The following NAP1L4 variants were observed in gnomAD, a reference collection of about 807,000 sequenced individuals.
NAP1L4 encodes nucleosome assembly protein 1-like 4.
A neutral mutation model predicts 58.2 loss-of-function variants in NAP1L4; 15 were observed. The observed-to-expected ratio is 0.26, with a 90% CI of 0.17 to 0.40. The LOEUF (loss-of-function observed/expected upper bound fraction) is 0.40. Ranked by LOEUF, NAP1L4 falls within the 10% of genes least tolerant of loss-of-function variation. The probability of loss-of-function intolerance (pLI) is 1.00; values close to 1 mark genes in which losing one functional copy is unlikely to be tolerated. For synonymous variants in NAP1L4, 171 were observed against 155.6 expected, an observed-to-expected ratio of 1.10 and a Z score of -0.74; for missense variants, 384 against 451.1, an observed-to-expected ratio of 0.85 and a Z score of 1.35.
At chr11:2,961,998 G>C (rs1445711130) in intron 8 of NAP1L4, among the ~76,000 whole-genome samples, 1 of 152,112 alleles carries the variant, frequency 6.6e-6, no homozygotes, top group African/African-American at 2.4e-5. Flanking sequence ...ATTCACACAC[G>C]CACTACAGCC....
chr11:2,981,373 G>A (rs116237785), intron 1 of NAP1L4, among the ~76,000 whole-genome samples: 2,204 of 132,542 alleles, frequency 0.017, 65 homozygotes, highest in African/African-American at 0.058. Context: ...ACCTATGACT[G>A]CGCCACTGAA....
At chr11:2,988,141 AG>A (rs1457859139) in intron 1 of NAP1L4, 2 of 152,234 alleles carry the variant, frequency 1.3e-5, no homozygotes, top group African/African-American at 4.8e-5. Flanking sequence ...GGTTTCAAGA[AG>A]AAAGCAAAAA....
intron 1 of NAP1L4, among the ~76,000 whole-genome samples, chr11:2,982,592 G>A (rs1848390420): frequency 6.6e-6 from 1 of 152,172 alleles, no homozygotes. Flanking sequence ...GCTGAGGCTT[G>A]GAAAGGTGAG....
chr11:2,961,110 T>C lies in NAP1L4; in HGVS notation c.607-1201A>G, dbSNP rs550425532. On this transcript the variant is annotated intron_variant, in intron 8 of 15. Coordinates refer to ENST00000380542, the MANE Select transcript of NAP1L4 (RefSeq NM_005969.4). ...TCAGCTGTTTCCATTTTCATTGTAA[T>C]GGTAAAACCATCAACGGGGGGGAAA... 1.1e-3 allele frequency among the ~76,000 whole-genome samples: 144 copies of C among 135,680 alleles called. 1 individual carries two copies. In the Middle Eastern group the frequency reaches 0.011, roughly 11 times the overall value. The allele number at this position is 135,680 out of a possible 152,430, so 89.0% of individuals were successfully genotyped here. A position where few individuals can be genotyped will look rare whatever the true frequency, so the allele number is the denominator to read the frequency against.
chr11:2,955,892 A>C lies in NAP1L4; in HGVS notation c.893-126T>G. 1 of 842,104 alleles carries C rather than the reference A, an allele frequency of 1.2e-6. No individual in the cohort carries two copies. The highest frequency in any genetic ancestry group is 1.9e-6 in the Non-Finnish European group (1 of 534,640). 52.2% of individuals were successfully genotyped at this position (842,104 alleles called of 1,614,324 possible). ...ATTTCTCACCTCGAGGTTTAACAGA[A>C]ATCCCCAAAGCCTTGCATCTCCTCA... On this transcript the variant is annotated intron_variant, in intron 10 of 15. Transcript: ENST00000380542. The surrounding 1 kb of genome is among the most constrained non-coding windows in gnomAD (Gnocchi z 4.2).
In NAP1L4 at chr11:2,946,024, G is replaced by A. The variant is rs1845923589; in HGVS notation, c.*33-378C>T. ...AACACGGGCAGCTCCATCCAGGAAG[G>A]CCACCGCGGAGGCAACCCCTCTTGG... On this transcript the variant is annotated intron_variant, in intron 15 of 15. Coordinates refer to ENST00000380542, the MANE Select transcript of NAP1L4 (RefSeq NM_005969.4). The surrounding 1 kb of genome is among the most constrained non-coding windows in gnomAD (Gnocchi z 4.8). 6.6e-6 allele frequency among the ~76,000 whole-genome samples: 1 copy of A among 152,156 alleles called. No homozygotes were observed. The highest frequency in any genetic ancestry group is 6.5e-5 in the Admixed American group (1 of 15,288).
chr11:2,978,875 C>T (rs1848129768), intron 2 of NAP1L4, among the ~76,000 whole-genome samples: 1 of 152,206 alleles, frequency 6.6e-6, no homozygotes, highest in African/African-American at 2.4e-5. Flanking sequence ...AAAAGTAACC[C>T]TCAATCCACA....
At chr11:2,982,064 C>T (rs1455833027) in intron 1 of NAP1L4, among the ~76,000 whole-genome samples, 2 of 152,298 alleles carry the variant, frequency 1.3e-5, no homozygotes, top group East Asian at 1.9e-4. Flanking sequence ...AGAGCTAAAA[C>T]ACCACTTACC....
In NAP1L4 at chr11:2,972,114, A is replaced by G; in HGVS notation, c.303T>C (p.Pro101=). 6.4e-7 allele frequency: 1 copy of G among 1,562,098 alleles called. No homozygotes were observed. Among genetic ancestry groups the G allele is most frequent in the Non-Finnish European group, 8.6e-7 (1 of 1,162,484 alleles). Residue 101 remains proline, a synonymous_variant, in exon 5 of 16, where the codon CCT becomes CCC. Coordinates refer to ENST00000380542, the MANE Select transcript of NAP1L4 (RefSeq NM_005969.4). ...LERKYAALYQ[P]LFDKRREFIT... is the part of the protein sequence containing the mutation. ...CAGAGCTCCCTACCTTGTCAAAGAG[A>G]GGCTGGTATAGCGCTGCATACTTTC...
rs578147771 is a variant in NAP1L4 at position 2,966,701 on chromosome 11, C to T, written c.535-1950G>A. On this transcript the variant is annotated intron_variant, in intron 7 of 15. Coordinates refer to ENST00000380542, the MANE Select transcript of NAP1L4 (RefSeq NM_005969.4). ...ATGCGATGTTCAGTCTCCAATGCTG[C>T]GCGTGCCACCCACAGAAGCATGCGC... is the stretch of plus-strand genomic sequence containing the variant. Among the ~76,000 whole-genome samples, 9 of 152,304 alleles carry T rather than the reference C, an allele frequency of 5.9e-5. No individual in the cohort carries two copies. In the South Asian group the frequency reaches 6.2e-4, roughly 11 times the overall value.
chr11:2,986,920 C>CCCAG (rs1848669483), intron 1 of NAP1L4, among the ~76,000 whole-genome samples: 2 of 151,224 alleles, frequency 1.3e-5, no homozygotes, highest in East Asian at 3.9e-4. Context: ...TGAGCCACCG[C>CCCAG]ACTCTAAGAT....
intron 7 of NAP1L4, among the ~76,000 whole-genome samples, chr11:2,969,460 CAGG>C (rs968944100): frequency 2.0e-5 from 3 of 152,230 alleles, no homozygotes; most frequent in Non-Finnish European, 2.9e-5. Context: ...ACTCACACCA[CAGG>C]AAGACAGAGA....
intron 4 of NAP1L4, among the ~76,000 whole-genome samples, chr11:2,972,826 C>A (rs1847725819): frequency 1.3e-5 from 2 of 152,060 alleles, no homozygotes; most frequent in South Asian, 4.2e-4. Flanking sequence ...AAAAAATTAG[C>A]AAGGCATGAT....
chr11:2,945,728 G>A (rs1460402610), intron 15 of NAP1L4, 82 bp from the exon 16 acceptor site: 9 of 1,143,566 alleles, frequency 7.9e-6, no homozygotes, highest in African/African-American at 4.7e-5. Flanking sequence ...TGAAAGCCAA[G>A]ACTGAATGAG....
At chr11:2,953,673 G>A (rs1003439069) in intron 12 of NAP1L4, among the ~76,000 whole-genome samples, 4 of 152,220 alleles carry the variant, frequency 2.6e-5, no homozygotes, top group Admixed American at 2.0e-4. Flanking sequence ...TAAAGAGCAC[G>A]CTGGCCTATT....
chr11:2,984,140 C>T (rs1848486484), intron 1 of NAP1L4, among the ~76,000 whole-genome samples: 1 of 137,820 alleles, frequency 7.3e-6, no homozygotes, highest in Admixed American at 8.2e-5. Context: ...GAACTCCAGC[C>T]TGGACAACAG....
At position 2,960,093 on chromosome 11, in the gene NAP1L4, T is replaced by G. The variant is rs954017673; in HGVS notation, c.607-184A>C. 5.0e-6 allele frequency: 3 copies of G among 598,308 alleles called. No homozygotes were observed. The African/African-American group carries it at 5.6e-5, about 11-fold the overall frequency. 37.1% of individuals were successfully genotyped at this position (598,308 alleles called of 1,614,324 possible). A position where few individuals can be genotyped will look rare whatever the true frequency, so the allele number is the denominator to read the frequency against. On this transcript the variant is annotated intron_variant, in intron 8 of 15. Transcript: ENST00000380542. ...GAGGTTAAAAAAACCAACGATGGAC[T>G]GGCGGGAAATATCTGTTCAGTTCAT...
chr11:2,944,829 G>C lies in NAP1L4; in HGVS notation c.*850C>G, dbSNP rs1399894277. On this transcript the variant is annotated 3_prime_UTR_variant, in exon 16 of 16. Transcript: ENST00000380542. ...TCATGAGGACGGGCTCGCATCTTCA[G>C]CCCTGGTGGCAGGGAGCGGCGTTTC... 6.6e-6 allele frequency: 1 copy of C among 152,296 alleles called. No individual in the cohort carries two copies. Among genetic ancestry groups the C allele is most frequent in the Non-Finnish European group, 1.5e-5 (1 of 68,068 alleles). 9.4% of individuals were successfully genotyped at this position (152,296 alleles called of 1,614,324 possible). A position where few individuals can be genotyped will look rare whatever the true frequency, so the allele number is the denominator to read the frequency against.
chr11:2,974,231 T>C (rs550435390), intron 4 of NAP1L4, among the ~76,000 whole-genome samples: 3 of 152,338 alleles, frequency 2.0e-5, no homozygotes, highest in African/African-American at 7.2e-5. Context: ...GCTGCACCCA[T>C]TAACTCGTCA....
Sources: allele counts gnomAD v4.1 joint callset (sites outside exome capture counted in the v4.1 genomes callset), GRCh38; gene constraint gnomAD v4.1.1; non-coding constraint Gnocchi (gnomAD v3.1); transcripts MANE v1.5; gene names NCBI Gene and HGNC (gene_info 2026-07-23, HGNC 2026-07-21).